The following FANCI variants were observed in gnomAD, a reference collection of about 807,000 sequenced individuals.
The protein encoded by FANCI is Fanconi anemia group I protein.
A neutral mutation model predicts 176.1 loss-of-function variants in FANCI; 156 were observed. The ratio of observed to expected loss-of-function variants is 0.89; its 90% CI spans 0.78 to 1.01. The LOEUF is 1.01. Among genes scored for constraint, FANCI ranks in the 50% least tolerant of loss-of-function variants. The pLI, the probability that FANCI is intolerant of heterozygous loss-of-function variation, is 0.00. For synonymous variants in FANCI, 613 were observed against 541.7 expected, an observed-to-expected ratio of 1.13 and a Z score of -1.83; for missense variants, 1,678 against 1,534.1, an observed-to-expected ratio of 1.09 and a Z score of -1.57.
At position 89,316,539 on chromosome 15, in the gene FANCI, AGTCCACACCGAT is replaced by A; in HGVS notation, c.*83_*94del. The A allele has an allele frequency of 7.1e-7, 1 of 1,398,970 alleles. No individual in the cohort carries two copies. Among genetic ancestry groups the A allele is most frequent in the Non-Finnish European group, 1.0e-6 (1 of 1,003,496 alleles). The allele number at this position is 1,398,970 out of a possible 1,614,324, so 86.7% of individuals were successfully genotyped here. A position where few individuals can be genotyped will look rare whatever the true frequency, so the allele number is the denominator to read the frequency against. On this transcript the variant is annotated 3_prime_UTR_variant, in exon 38 of 38. Transcript: ENST00000310775. ...CAAGCAACAATGCCCCTTGTCCTGT[AGTCCACACCGAT>A]GTTGGCATCTTGGTTCTGAACCCAC...
rs867667292 is a variant in FANCI at position 89,281,189 on chromosome 15, C to T, written c.1401C>T (p.Val467=). The T allele has an allele frequency of 6.2e-7, 1 of 1,613,572 alleles. No individual in the cohort carries two copies. The highest frequency in any genetic ancestry group is 8.5e-7 in the Non-Finnish European group (1 of 1,179,730). The change falls in exon 15 of 38, where the codon GTC becomes GTT. Residue 467 remains valine, a synonymous_variant. Coordinates refer to ENST00000310775, the MANE Select transcript of FANCI (RefSeq NM_001113378.2). ...SHFLDLLSNI[V]MYAPLVLQSC... ...TTTCAGACCTGCTTTCAAATATCGT[C>T]ATGTATGCACCCTTAGTTCTTCAAA...
chr15:89,261,036 T>C (rs1424227846), intron 4 of FANCI, among the ~76,000 whole-genome samples, 193 bp downstream of exon 4: 1 of 151,608 alleles, frequency 6.6e-6, no homozygotes, highest in African/African-American at 2.4e-5. Flanking sequence ...GAGGCTGAGG[T>C]GAGGATCGCT....
rs1373256380 is a variant in FANCI at position 89,293,533 on chromosome 15, A to G, written c.2292-300A>G. ...GAAACCCCATCTCTACTAATAATGT[A>G]AAACTTAGCCAGGTGTTAGTGCCTG... On this transcript the variant is annotated intron_variant, in intron 22 of 37. Coordinates refer to ENST00000310775, the MANE Select transcript of FANCI (RefSeq NM_001113378.2). 3.9e-5 allele frequency among the ~76,000 whole-genome samples: 6 copies of G among 152,276 alleles called. No individual in the cohort carries two copies. The East Asian group carries it at 1.2e-3, about 29-fold the overall frequency.
At chr15:89,302,842 G>C (rs2054577026) in intron 27 of FANCI, among the ~76,000 whole-genome samples, 1 of 152,050 alleles carries the variant, frequency 6.6e-6, no homozygotes, top group South Asian at 2.1e-4. Context: ...CAAAGTGCTG[G>C]GATTACAGGT....
rs1287297880 is a variant in FANCI at position 89,305,711 on chromosome 15, C to T, written c.3349+13C>T. Reference sequence around the variant, plus strand: ...GAAACCTTATCAGGTAAGATAAGTTCAACTGGGATTCCAGGAATTGACATG... The same window carrying T: ...GAAACCTTATCAGGTAAGATAAGTTTAACTGGGATTCCAGGAATTGACATG... On this transcript the variant is annotated intron_variant, in intron 31 of 37. Transcript: ENST00000310775. 1 of 1,610,786 alleles carries T rather than the reference C, an allele frequency of 6.2e-7. No homozygotes were observed. Among genetic ancestry groups the T allele is most frequent in the Non-Finnish European group, 8.5e-7 (1 of 1,176,974 alleles).
In FANCI at chr15:89,263,970, A is replaced by G; in HGVS notation, c.613A>G (p.Met205Val). 3.1e-6 allele frequency: 5 copies of G among 1,614,126 alleles called. No individual in the cohort carries two copies. In the East Asian group the frequency reaches 6.7e-5, roughly 22 times the overall value. Residue 205 changes from methionine (M) to valine (V), a missense_variant, in exon 8 of 38, where the codon ATG (methionine) becomes GTG (valine). This residue lies in a region of FANCI where 469 missense variants were observed against 436.9 expected (regional missense o/e 1.07). Transcript: ENST00000310775. ...AAAAGCATTGAGCATGTTCTCCAAG[A>G]TGAATCTTCAAGAAATACCACCTTT... ...VEKALSMFSK[M>V]NLQEIPPLVY...
At chr15:89,305,898 G>C (rs8035175) in intron 31 of FANCI, 109 bp from the exon 32 acceptor site, 2 of 1,232,826 alleles carry the variant, frequency 1.6e-6, no homozygotes. Flanking sequence ...TTGAATGTTC[G>C]TTTTTCCATA....
chr15:89,244,228 G>C (rs981467282), intron 1 of FANCI, 195 bp downstream of exon 1: 4 of 152,484 alleles, frequency 2.6e-5, no homozygotes, highest in Admixed American at 2.6e-4. Flanking sequence ...TCCCTCCTAG[G>C]GGTGTGCCTC....
At chr15:89,250,372 T>G (rs546727844) in intron 2 of FANCI, among the ~76,000 whole-genome samples, 1 of 152,194 alleles carries the variant, frequency 6.6e-6, no homozygotes, top group Admixed American at 6.5e-5. Context: ...CCATAAAAAA[T>G]GATGAGTTCA....
chr15:89,250,036 A>C (rs1452769915), intron 2 of FANCI, among the ~76,000 whole-genome samples: 1 of 152,222 alleles, frequency 6.6e-6, no homozygotes. Context: ...CAATGCAATA[A>C]AACTGGAAAT....
chr15:89,299,926 G>C lies in FANCI; in HGVS notation c.2763G>C (p.Gln921His), dbSNP rs756502166. The C allele has an allele frequency of 6.2e-6, 10 of 1,614,110 alleles. No homozygotes were observed. Among genetic ancestry groups the C allele is most frequent in the Non-Finnish European group, 8.5e-6 (10 of 1,179,998 alleles). Reference protein sequence around the residue: ...GLQKIFSAVQQFYQPKIQQFL... With the variant: ...GLQKIFSAVQHFYQPKIQQFL... ...AGAAAATATTCAGTGCTGTGCAACA[G>C]TTCTATCAGCCCAAGATTCAGCAGT... is the stretch of plus-strand genomic sequence containing the variant. Residue 921 changes from glutamine to histidine, a missense_variant, in exon 25 of 38, where the codon CAG (glutamine) becomes CAC (histidine). Gln to His is a conservative substitution (Grantham distance 24). Around this residue, in one of 3 missense-constraint regions of FANCI, gnomAD observed 1,204 missense variants for 1,077.4 expected, o/e 1.12. Transcript: ENST00000310775.
intron 10 of FANCI, among the ~76,000 whole-genome samples, chr15:89,269,819 T>C (rs1037646442): frequency 1.3e-5 from 2 of 150,172 alleles, no homozygotes; most frequent in Non-Finnish European, 3.0e-5. Flanking sequence ...TTTGATTTGT[T>C]TTTTTTTTTT....
chr15:89,316,973 G>C lies in FANCI; in HGVS notation c.*514G>C. 2 of 694,460 alleles carry C rather than the reference G, an allele frequency of 2.9e-6. No individual in the cohort carries two copies. Among genetic ancestry groups the C allele is most frequent in the South Asian group, 3.1e-5 (2 of 64,646 alleles). The allele number at this position is 694,460 out of a possible 1,614,324, so 43.0% of individuals were successfully genotyped here. A position where few individuals can be genotyped will look rare whatever the true frequency, so the allele number is the denominator to read the frequency against. On this transcript the variant is annotated 3_prime_UTR_variant, in exon 38 of 38. Coordinates refer to ENST00000310775, the MANE Select transcript of FANCI (RefSeq NM_001113378.2). ...CACGAACGGTAATGTTACATGTTAG[G>C]AGGGTCTGTTTTCTTTTTATATAAG...
At chr15:89,294,779 AG>A in intron 23 of FANCI, 135 bp from the exon 24 acceptor site, 1 of 793,090 alleles carries the variant, frequency 1.3e-6, no homozygotes, top group Non-Finnish European at 1.9e-6. Context: ...CTGCCTAGAG[AG>A]TCTGCCAGTC....
In FANCI at chr15:89,283,120, T is replaced by C. The variant is rs1193591099; in HGVS notation, c.1584-16T>C. ...TGAAATAGTACTGTTTGTTAACTTC[T>C]CTATTTCTGAGCTAGCCAGCTTGAT... On this transcript the variant is annotated splice_polypyrimidine_tract_variant and intron_variant, in intron 16 of 37. Transcript: ENST00000310775. 1.9e-6 allele frequency: 3 copies of C among 1,613,918 alleles called. No homozygotes were observed. The highest frequency in any genetic ancestry group is 2.2e-5 in the East Asian group (1 of 44,878).
At chr15:89,273,951 C>G (rs2053305763) in intron 11 of FANCI, among the ~76,000 whole-genome samples, 2 of 152,028 alleles carry the variant, frequency 1.3e-5, no homozygotes, top group South Asian at 4.1e-4. Context: ...CCTTAAAGTT[C>G]CCACTGAATG....
At chr15:89,289,291 CCCTTTTT>C (rs1442279414) in intron 18 of FANCI, among the ~76,000 whole-genome samples, 3 of 151,906 alleles carry the variant, frequency 2.0e-5, no homozygotes, top group Non-Finnish European at 2.9e-5. Flanking sequence ...TTCCCCTTTC[CCCTTTTT>C]CCGTTTTCCT....
At position 89,292,752 on chromosome 15, in the gene FANCI, A is replaced by T; in HGVS notation, c.2057A>T (p.Gln686Leu). 1 of 1,614,012 alleles carries T rather than the reference A, an allele frequency of 6.2e-7. No individual in the cohort carries two copies. Among genetic ancestry groups the T allele is most frequent in the Non-Finnish European group, 8.5e-7 (1 of 1,179,970 alleles). The change falls in exon 21 of 38, where the codon CAG becomes CTG. Residue 686 changes from glutamine to leucine, a missense_variant. Transcript: ENST00000310775. ...AWYKNTVIPL[Q>L]QGEEEEEEEE... ...TATAAGAATACAGTCATACCCTTAC[A>T]GCAGGGAGAGGAGGAAGAGGAGGAG...
chr15:89,252,773 C>G (rs993287376), intron 2 of FANCI, among the ~76,000 whole-genome samples: 5 of 152,038 alleles, frequency 3.3e-5, no homozygotes, highest in African/African-American at 1.2e-4. Flanking sequence ...GAGAAATGTC[C>G]AAAACCCATG....
Sources: gnomAD v4.1 joint callset for allele counts (sites outside exome capture counted in the v4.1 genomes callset) on GRCh38, gnomAD v4.1.1 for gene constraint, gnomAD v4.1.1 regional missense constraint, MANE v1.5 for transcripts, NCBI Gene and HGNC (gene_info 2026-07-23, HGNC 2026-07-21) for gene names.